The following SEC31B variants were observed in gnomAD, a reference collection of about 807,000 sequenced individuals.
SEC31B encodes the protein SEC31 homolog B, COPII component.
SEC31B carries 113 observed loss-of-function variants against 135.0 expected under a neutral mutation model. The observed-to-expected ratio is 0.84, with a 90% CI of 0.72 to 0.98. The LOEUF (loss-of-function observed/expected upper bound fraction) is 0.98. Ranked by LOEUF, SEC31B falls within the 50% of genes least tolerant of loss-of-function variation. The pLI, the probability that SEC31B is intolerant of heterozygous loss-of-function variation, is 0.00. For missense variants in SEC31B, 1,296 were observed against 1,421.1 expected (o/e 0.91, Z 1.42); for synonymous variants, 508 against 549.4 (o/e 0.92, Z 1.05).
intron 10 of SEC31B, among the ~76,000 whole-genome samples, 178 bp downstream of exon 10, chr10:100,505,183 A>C (rs1037359400): frequency 5.9e-5 from 9 of 152,094 alleles, no homozygotes; most frequent in African/African-American, 2.2e-4. Flanking sequence ...GAAGAGAAGG[A>C]AGCTATAGTA....
At position 100,509,313 on chromosome 10, in the gene SEC31B, T is replaced by A; in HGVS notation, c.399+3A>T. The A allele has an allele frequency of 6.2e-7, 1 of 1,612,522 alleles. No individual in the cohort carries two copies. Among genetic ancestry groups the A allele is most frequent in the Non-Finnish European group, 8.5e-7 (1 of 1,179,390 alleles). ...CCATGTTTGACTAACTGAAATGTAG[T>A]ACCTGGAAAGGATTCAAGTCGAGGG... On this transcript the variant is annotated splice_donor_region_variant and intron_variant, in intron 4 of 25. Transcript: ENST00000370345.
chr10:100,507,601 A>G (rs763194605), intron 6 of SEC31B, 34 bp from the exon 7 acceptor site: 1 of 1,612,060 alleles, frequency 6.2e-7, no homozygotes, highest in African/African-American at 1.3e-5. Context: ...GGGTGCTGTA[A>G]CCTGACTCTT....
chr10:100,507,696 G>A, intron 6 of SEC31B, 129 bp from the exon 7 acceptor site: 1 of 1,356,592 alleles, frequency 7.4e-7, no homozygotes, highest in Non-Finnish European at 1.0e-6. Context: ...AGAGAGTGAT[G>A]GCCAGGAATA....
chr10:100,497,451 TGACAA>T, intron 16 of SEC31B, 171 bp from the exon 17 acceptor site: 1 of 1,473,842 alleles, frequency 6.8e-7, no homozygotes, highest in Non-Finnish European at 9.0e-7. Flanking sequence ...CATCATGGTG[TGACAA>T]GACAAGGTAA....
chr10:100,498,760 G>A lies in SEC31B; in HGVS notation c.1629C>T (p.Phe543=). The change falls in exon 14 of 26, where the codon TTC becomes TTT. Residue 543 remains phenylalanine, a synonymous_variant. Transcript: ENST00000370345. Reference sequence around the variant, plus strand: ...TGTTCTGAGGGACCAGCTCATCAAAGAAGGCTGAGGAAGCAGAGGCTTCCT... The same window carrying A: ...TGTTCTGAGGGACCAGCTCATCAAAAAAGGCTGAGGAAGCAGAGGCTTCCT... ...TTKEASASSA[F]FDELVPQNMT... 6.2e-7 allele frequency: 1 copy of A among 1,613,912 alleles called. No individual in the cohort carries two copies. Among genetic ancestry groups the A allele is most frequent in the East Asian group, 2.2e-5 (1 of 44,886 alleles).
Position 100,487,637 on chromosome 10 carries a change from G to A in SEC31B, c.3519C>T (p.Ile1173=), listed in dbSNP as rs113549422. 9.4e-5 allele frequency: 152 copies of A among 1,613,212 alleles called. 1 individual carries two copies. Among genetic ancestry groups the A allele is most frequent in the African/African-American group, 4.7e-4 (35 of 75,052 alleles). The change falls in exon 26 of 26, where the codon ATC becomes ATT. Residue 1173 remains isoleucine (I), a synonymous_variant. Coordinates refer to ENST00000370345, the MANE Select transcript of SEC31B (RefSeq NM_015490.4). ...FMPILKAVLI[I]AHKLLV is the part of the protein sequence containing the mutation. ...TGGTTTAGACCAGCAGCTTATGAGC[G>A]ATGATGAGGACAGCCTTCAGGATAG...
intron 10 of SEC31B, among the ~76,000 whole-genome samples, chr10:100,504,210 T>C (rs1851582127): frequency 6.6e-6 from 1 of 152,204 alleles, no homozygotes; most frequent in Non-Finnish European, 1.5e-5. Context: ...TCAGGCCTCT[T>C]GACCTCAGAA....
chr10:100,505,358 T>C lies in SEC31B; in HGVS notation c.1179+3A>G. 1 of 1,612,850 alleles carries C rather than the reference T, an allele frequency of 6.2e-7. No individual in the cohort carries two copies. Among genetic ancestry groups the C allele is most frequent in the Non-Finnish European group, 8.5e-7 (1 of 1,179,426 alleles). On this transcript the variant is annotated splice_donor_region_variant and intron_variant, in intron 10 of 25. Coordinates refer to ENST00000370345, the MANE Select transcript of SEC31B (RefSeq NM_015490.4). ...CACACACCTATACATCCACTACACT[T>C]ACAGCAAATGAAACACCTGTTGGTC... is the stretch of plus-strand genomic sequence containing the variant.
At chr10:100,496,621 G>T (rs957783747) in intron 17 of SEC31B, among the ~76,000 whole-genome samples, 190 bp from the exon 18 acceptor site, 1 of 152,222 alleles carries the variant, frequency 6.6e-6, no homozygotes, top group Admixed American at 6.5e-5. Flanking sequence ...CACCTCCCAA[G>T]CTGTTAGGAT....
intron 3 of SEC31B, among the ~76,000 whole-genome samples, chr10:100,512,803 G>A (rs1851759540): frequency 6.6e-6 from 1 of 152,188 alleles, no homozygotes; most frequent in Non-Finnish European, 1.5e-5. Flanking sequence ...GACTGAACAT[G>A]AAACCTGAAT....
In SEC31B at chr10:100,509,505, G is replaced by A. The variant is rs749096034; in HGVS notation, c.210C>T (p.His70=). The A allele has an allele frequency of 6.2e-7, 1 of 1,610,940 alleles. No homozygotes were observed. Among genetic ancestry groups the A allele is most frequent in the South Asian group, 1.1e-5 (1 of 90,886 alleles). Residue 70 remains histidine (H), a synonymous_variant, in exon 4 of 26, where the codon CAC becomes CAT. Coordinates refer to ENST00000370345, the MANE Select transcript of SEC31B (RefSeq NM_015490.4). ...RGVLSALSRF[H]KLVWGSFGSG... ...TGCCAAAGCTCCCCCAGACCAGCTT[G>A]TGAAACCTATAAAGAGGAGGAACTG...
rs1216766978 is a variant in SEC31B at position 100,502,348 on chromosome 10, T to A, written c.1316A>T (p.Glu439Val). The change falls in exon 11 of 26, where the codon GAG becomes GTG. Residue 439 changes from glutamate to valine, a missense_variant. By Grantham distance (121) the Glu-to-Val change is moderately radical. Coordinates refer to ENST00000370345, the MANE Select transcript of SEC31B (RefSeq NM_015490.4). ...CAGTAGATTTCCTGATCCCAAGGCC[T>A]CCTGCAGCTCAGCTGATCGCATCAG... ...EFLMRSAELQ[E>V]ALGSGNLLNY... 6.2e-7 allele frequency: 1 copy of A among 1,614,216 alleles called. No homozygotes were observed. The highest frequency in any genetic ancestry group is 8.5e-7 in the Non-Finnish European group (1 of 1,180,036).
At position 100,498,000 on chromosome 10, in the gene SEC31B, C is replaced by T. The variant is rs1340980507; in HGVS notation, c.1863+29G>A. On this transcript the variant is annotated intron_variant, in intron 15 of 25. Coordinates refer to ENST00000370345, the MANE Select transcript of SEC31B (RefSeq NM_015490.4). Reference sequence around the variant, plus strand: ...CTCACAAGGTCCAAGTAATCCCCTCCCTTCTTCTCCTGCATGATGGGCAGT... The same window carrying T: ...CTCACAAGGTCCAAGTAATCCCCTCTCTTCTTCTCCTGCATGATGGGCAGT... 2.5e-6 allele frequency: 4 copies of T among 1,612,722 alleles called. No individual in the cohort carries two copies. In the African/African-American group the frequency reaches 4.0e-5, roughly 16 times the overall value.
intron 16 of SEC31B, 27 bp from the exon 17 acceptor site, chr10:100,497,307 T>C (rs1458349506): frequency 1.9e-6 from 3 of 1,609,440 alleles, no homozygotes; most frequent in Admixed American, 3.3e-5. Flanking sequence ...ATTTCATTAA[T>C]GGCACAGCTG....
chr10:100,493,145 G>A lies in SEC31B; in HGVS notation c.2472+2240C>T, dbSNP rs369326162. Among the ~76,000 whole-genome samples the A allele has an allele frequency of 1.2e-4, 19 of 152,226 alleles. No individual in the cohort carries two copies. The East Asian group carries it at 1.4e-3, about 11-fold the overall frequency. ...TCCCAGCGCTTTGGGAGGCCGAGGC[G>A]GGCGGATCACGAGGTCGGGAGATCA... On this transcript the variant is annotated intron_variant, in intron 19 of 25. Coordinates refer to ENST00000370345, the MANE Select transcript of SEC31B (RefSeq NM_015490.4).
chr10:100,498,174 A>G lies in SEC31B; in HGVS notation c.1718T>C (p.Leu573Pro). 1 of 1,614,198 alleles carries G rather than the reference A, an allele frequency of 6.2e-7. No individual in the cohort carries two copies. Among genetic ancestry groups the G allele is most frequent in the Non-Finnish European group, 8.5e-7 (1 of 1,180,026 alleles). Reference sequence around the variant, plus strand: ...CTCCACGGCCGGACCCAGTTCCCCAAGCAGGAGAGCCTGGCTTAGGAGTCC... The same window carrying G: ...CTCCACGGCCGGACCCAGTTCCCCAGGCAGGAGAGCCTGGCTTAGGAGTCC... ...IDGLLSQALL[L>P]GELGPAVELC... is the part of the protein sequence containing the mutation. The change falls in exon 15 of 26, where the codon CTT becomes CCT. Residue 573 changes from leucine to proline, a missense_variant. Leu to Pro is a moderately conservative substitution (Grantham distance 98, BLOSUM62 -3). Coordinates refer to ENST00000370345, the MANE Select transcript of SEC31B (RefSeq NM_015490.4).
chr10:100,491,546 G>GA (rs1295248375), intron 19 of SEC31B, among the ~76,000 whole-genome samples: 1 of 152,150 alleles, frequency 6.6e-6, no homozygotes, highest in African/African-American at 2.4e-5. Context: ...TATTCCACAA[G>GA]AAAGTGGGAT....
At chr10:100,493,642 AG>A in intron 19 of SEC31B, among the ~76,000 whole-genome samples, 1 of 152,232 alleles carries the variant, frequency 6.6e-6, no homozygotes, top group Non-Finnish European at 1.5e-5. Flanking sequence ...AGGTAACACA[AG>A]AGAGTCTTGT....
Position 100,506,119 on chromosome 10 carries a change from G to A in SEC31B, c.965C>T (p.Ala322Val), listed in dbSNP as rs368651898. 2.5e-6 allele frequency: 4 copies of A among 1,614,098 alleles called. No homozygotes were observed. Among genetic ancestry groups the A allele is most frequent in the Non-Finnish European group, 2.5e-6 (3 of 1,180,042 alleles). The part of the protein sequence containing the change: ...CPRDPSVFSA[A>V]SFNGWISLYS... Reference sequence around the variant, plus strand: ...CAAACTGATCCAGCCGTTGAAGGAGGCAGCAGAGAACACTGAAGGGTCCCG... The same window carrying A: ...CAAACTGATCCAGCCGTTGAAGGAGACAGCAGAGAACACTGAAGGGTCCCG... Residue 322 changes from alanine to valine, a missense_variant, in exon 9 of 26, where the codon GCC becomes GTC. Transcript: ENST00000370345.
Sources: gnomAD v4.1 joint callset for allele counts (sites outside exome capture counted in the v4.1 genomes callset) on GRCh38, gnomAD v4.1.1 for gene constraint, MANE v1.5 for transcripts, NCBI Gene and HGNC (gene_info 2026-07-23, HGNC 2026-07-21) for gene names.